ZNF385D: variants seen among roughly 807,000 people sequenced by gnomAD.
The protein encoded by ZNF385D is zinc finger protein 659.
ZNF385D carries 15 observed loss-of-function variants against 35.8 expected under a neutral mutation model. The ratio of observed to expected loss-of-function variants is 0.42; its 90% confidence interval spans 0.28 to 0.64. The LOEUF (loss-of-function observed/expected upper bound fraction) is 0.64, where lower values mean the gene tolerates loss of function less well. Ranked by LOEUF, ZNF385D falls within the 30% of genes least tolerant of loss-of-function variation. The probability of loss-of-function intolerance (pLI) is 0.23; values close to 1 mark genes in which losing one functional copy is unlikely to be tolerated. For synonymous variants in ZNF385D, 212 were observed against 186.8 expected (o/e 1.13, Z -1.10); for missense variants, 474 against 494.6 (o/e 0.96, Z 0.39).
intron 3 of ZNF385D, among the ~76,000 whole-genome samples, chr3:21,844,343 T>G (rs1355200269): frequency 6.6e-6 from 1 of 151,940 alleles, no homozygotes; most frequent in African/African-American, 2.4e-5. Context: ...AGAGGATCAC[T>G]GGCTTTATTC....
At chr3:22,226,833 G>A (rs1399648232) in intron 2 of ZNF385D, among the ~76,000 whole-genome samples, 1 of 152,080 alleles carries the variant, frequency 6.6e-6, no homozygotes, top group East Asian at 1.9e-4. Context: ...TAGCAGGTAG[G>A]TTGATTTTCC....
chr3:22,095,091 T>TC (rs199839574), intron 3 of ZNF385D, among the ~76,000 whole-genome samples: 2,655 of 60,684 alleles, frequency 0.044, 45 homozygotes, highest in African/African-American at 0.13. Context: ...ATTCTTTCTT[T>TC]TTTTTTTTTT....
At chr3:21,671,836 G>A (rs1416991589) in intron 1 of ZNF385D, among the ~76,000 whole-genome samples, 2 of 152,052 alleles carry the variant, frequency 1.3e-5, no homozygotes, top group African/African-American at 2.4e-5. Context: ...AGTATTTATC[G>A]CTGATTTTTA....
At position 22,081,803 on chromosome 3, in the gene ZNF385D, G is replaced by T. The variant is rs1202943782; in HGVS notation, c.325+87014C>A. On this transcript the variant is annotated intron_variant, in intron 3 of 5. Coordinates refer to the ZNF385D transcript ENST00000494108. ...TCTGGTCATTTTTTTAAAAAAGGTT[G>T]CTTACCTCTACTTCAGCAAAAACAA... 2.0e-5 allele frequency among the ~76,000 whole-genome samples: 3 copies of T among 152,088 alleles called. No homozygotes were observed. In the East Asian group the frequency reaches 5.8e-4, roughly 29 times the overall value.
chr3:22,193,258 T>G lies in ZNF385D; in HGVS notation c.107-24223A>C, dbSNP rs979195061. ...AACTCTTTCACAGTGTAGCCCTTAGTAATTAAAAATGGCTTTCTCTTCCTA... is the reference window on the plus strand; with the variant it reads ...AACTCTTTCACAGTGTAGCCCTTAGGAATTAAAAATGGCTTTCTCTTCCTA... On this transcript the variant is annotated intron_variant, in intron 2 of 5. Transcript: ENST00000494108. Among the ~76,000 whole-genome samples the G allele has an allele frequency of 3.3e-5, 5 of 152,206 alleles. No individual in the cohort carries two copies. The East Asian group carries it at 9.6e-4, about 29-fold the overall frequency.
intron 2 of ZNF385D, among the ~76,000 whole-genome samples, chr3:22,288,621 A>T (rs1702144245): frequency 6.6e-6 from 1 of 151,996 alleles, no homozygotes; most frequent in African/African-American, 2.4e-5. Context: ...TGAAATTCTC[A>T]GTTTGTTGAT....
intron 3 of ZNF385D, among the ~76,000 whole-genome samples, chr3:22,064,742 G>C (rs920494128): frequency 2.6e-5 from 4 of 152,150 alleles, no homozygotes; most frequent in East Asian, 3.9e-4. Flanking sequence ...AAAAGTGGAA[G>C]TCATTAGTAG....
chr3:21,737,910 C>G (rs2069323778), intron 1 of ZNF385D, among the ~76,000 whole-genome samples: 1 of 152,220 alleles, frequency 6.6e-6, no homozygotes, highest in African/African-American at 2.4e-5. Context: ...CATAGCACAT[C>G]TCCTAGCTCA....
chr3:22,111,671 G>A (rs1702544547), intron 3 of ZNF385D, among the ~76,000 whole-genome samples: 1 of 152,114 alleles, frequency 6.6e-6, no homozygotes, highest in African/African-American at 2.4e-5. Flanking sequence ...GACTTACGCT[G>A]TCTTCGTAGA....
intron 3 of ZNF385D, among the ~76,000 whole-genome samples, chr3:22,048,757 GA>G (rs1402766440): frequency 4.6e-5 from 7 of 152,108 alleles, no homozygotes; most frequent in Non-Finnish European, 1.0e-4. Flanking sequence ...TGAATTTTAG[GA>G]TTGTTTTTTC....
chr3:21,843,516 G>A (rs543251276), intron 3 of ZNF385D, among the ~76,000 whole-genome samples: 1 of 152,032 alleles, frequency 6.6e-6, no homozygotes, highest in African/African-American at 2.4e-5. Context: ...GGTAGACTCT[G>A]ATTCAAGGTT....
At chr3:21,950,163 A>T (rs1701995178) in intron 3 of ZNF385D, among the ~76,000 whole-genome samples, 1 of 151,482 alleles carries the variant, frequency 6.6e-6, no homozygotes, top group Non-Finnish European at 1.5e-5. Flanking sequence ...ACTAATTTAC[A>T]CTCCCACCAA....
chr3:22,314,864 C>A (rs1318321179), intron 2 of ZNF385D, among the ~76,000 whole-genome samples: 1 of 151,940 alleles, frequency 6.6e-6, no homozygotes, highest in African/African-American at 2.4e-5. Context: ...GGTCAGCCCC[C>A]CAAAAAACCA....
intron 2 of ZNF385D, among the ~76,000 whole-genome samples, chr3:22,245,144 A>G (rs570883990): frequency 1.9e-4 from 29 of 152,312 alleles, no homozygotes; most frequent in African/African-American, 6.5e-4. Context: ...GTTTGGGGAT[A>G]AAGTCTGAAC....
chr3:21,944,663 A>T (rs1191446862), intron 3 of ZNF385D, among the ~76,000 whole-genome samples: 1 of 152,194 alleles, frequency 6.6e-6, no homozygotes. Flanking sequence ...AGGTTTACAG[A>T]ATCATTTAGA....
chr3:21,526,459 T>C (rs1388285173), intron 3 of ZNF385D, among the ~76,000 whole-genome samples: 2 of 152,206 alleles, frequency 1.3e-5, no homozygotes, highest in African/African-American at 2.4e-5. Flanking sequence ...GCAATGTTTC[T>C]GCCTGTGACA....
intron 2 of ZNF385D, among the ~76,000 whole-genome samples, chr3:21,612,008 AG>A (rs1474400339): frequency 6.6e-6 from 1 of 152,214 alleles, no homozygotes; most frequent in Non-Finnish European, 1.5e-5. Flanking sequence ...ATCTACTAAA[AG>A]TTACCATCAT....
At chr3:21,621,559 G>GTGTGTGTGTA in intron 2 of ZNF385D, among the ~76,000 whole-genome samples, 1 of 148,516 alleles carries the variant, frequency 6.7e-6, no homozygotes, top group South Asian at 2.1e-4. Flanking sequence ...ATTCCCGTGT[G>GTGTGTGTGTA]TGTGTGTGTG....
At chr3:22,200,729 G>A (rs1696732018) in intron 2 of ZNF385D, among the ~76,000 whole-genome samples, 3 of 151,996 alleles carry the variant, frequency 2.0e-5, no homozygotes, top group Admixed American at 2.0e-4. Flanking sequence ...CATAAAAGAT[G>A]GCCATGCCCG....
Sources: allele counts gnomAD v4.1 joint callset (sites outside exome capture counted in the v4.1 genomes callset), GRCh38; gene constraint gnomAD v4.1.1; transcripts MANE v1.5; gene names NCBI Gene and HGNC (gene_info 2026-07-23, HGNC 2026-07-21).